NAV2: variants seen among roughly 807,000 people sequenced by gnomAD.
NAV2 encodes helicase, APC down-regulated 1.
Under a neutral mutation model 223.2 loss-of-function variants are expected in NAV2, and 54 were observed. That is an observed-to-expected ratio of 0.24 (90% CI 0.19 to 0.30). The LOEUF is 0.30. NAV2 is among the 10% of genes least tolerant of loss of function. NAV2 has a pLI of 1.00. For missense variants in NAV2, 2,806 were observed against 3,147.5 expected, an observed-to-expected ratio of 0.89 and a Z score of 2.60; for synonymous variants, 1,279 against 1,239.3, an observed-to-expected ratio of 1.03 and a Z score of -0.67.
At chr11:19,936,697 T>A (rs376660109) in intron 7 of NAV2, among the ~76,000 whole-genome samples, 1 of 152,212 alleles carries the variant, frequency 6.6e-6, no homozygotes, top group African/African-American at 2.4e-5. Context: ...GGAACAGGTA[T>A]TGATCGAGTG....
chr11:19,774,794 T>C (rs1037241560), intron 1 of NAV2, among the ~76,000 whole-genome samples: 2 of 152,160 alleles, frequency 1.3e-5, no homozygotes, highest in Non-Finnish European at 2.9e-5. Context: ...TTCTCTTTAA[T>C]TAAAGCTGAG....
intron 1 of NAV2, among the ~76,000 whole-genome samples, chr11:19,602,106 A>G (rs16937045): frequency 0.061 from 9,231 of 151,914 alleles, 650 homozygotes; most frequent in African/African-American, 0.17. Flanking sequence ...AATCGGGGAC[A>G]TCAAGTATGA....
At chr11:19,899,152 TC>T (rs2042239495) in intron 6 of NAV2, among the ~76,000 whole-genome samples, 2 of 152,178 alleles carry the variant, frequency 1.3e-5, no homozygotes, top group South Asian at 4.1e-4. Flanking sequence ...CTGGTGGGTT[TC>T]CTCCTCTAGT....
chr11:19,402,224 C>T (rs1278536052), intron 1 of NAV2, among the ~76,000 whole-genome samples: 1 of 152,158 alleles, frequency 6.6e-6, no homozygotes, highest in Non-Finnish European at 1.5e-5. Flanking sequence ...GGAGCAAGAC[C>T]ACCTGGTTCA....
At position 20,062,471 on chromosome 11, in the gene NAV2, AAGGGGATCAATTAATT is replaced by A. The variant is rs2058766106; in HGVS notation, c.4884+117_4884+132del. 23 of 776,784 alleles carry A rather than the reference AAGGGGATCAATTAATT, an allele frequency of 3.0e-5. No homozygotes were observed. The South Asian group carries it at 4.3e-4, about 15-fold the overall frequency. 48.1% of individuals were successfully genotyped at this position (776,784 alleles called of 1,614,324 possible). A position where few individuals can be genotyped will look rare whatever the true frequency, so the allele number is the denominator to read the frequency against. Reference sequence around the variant, plus strand: ...ATCCTAGGGAAAGCATTTCCATTATAAGGGGATCAATTAATTAGGGAACAAGATTTAAAATTCACAA... The same window carrying A: ...ATCCTAGGGAAAGCATTTCCATTATAAGGGAACAAGATTTAAAATTCACAA... On this transcript the variant is annotated intron_variant, in intron 20 of 37. Coordinates refer to ENST00000349880, the MANE Select transcript of NAV2 (RefSeq NM_145117.5).
At chr11:19,514,743 C>T (rs940173010) in intron 1 of NAV2, among the ~76,000 whole-genome samples, 5 of 152,182 alleles carry the variant, frequency 3.3e-5, no homozygotes, top group African/African-American at 9.7e-5. Context: ...TTCATGTTCT[C>T]TGGAAGTCTC....
At chr11:19,740,251 A>C (rs1284157240) in intron 1 of NAV2, among the ~76,000 whole-genome samples, 1 of 152,194 alleles carries the variant, frequency 6.6e-6, no homozygotes, top group East Asian at 1.9e-4. Flanking sequence ...TTCCAGGTAA[A>C]GGGGACATTG....
intron 1 of NAV2, among the ~76,000 whole-genome samples, chr11:19,607,365 G>A (rs879845047): frequency 1.8e-4 from 28 of 152,244 alleles, no homozygotes; most frequent in Non-Finnish European, 3.2e-4. Context: ...CTGGGGACCA[G>A]CTCTGTTCCA....
At chr11:19,806,697 C>A (rs1405881703) in intron 1 of NAV2, among the ~76,000 whole-genome samples, 1 of 152,132 alleles carries the variant, frequency 6.6e-6, no homozygotes, top group Non-Finnish European at 1.5e-5. Flanking sequence ...CTCATAGAGG[C>A]TTTGTATGCT....
At chr11:20,049,719 A>G in intron 15 of NAV2, 117 bp from the exon 16 acceptor site, 1 of 947,126 alleles carries the variant, frequency 1.1e-6, no homozygotes, top group Non-Finnish European at 1.7e-6. Context: ...CAGTTTCTGC[A>G]TATAGGGAAG....
intron 1 of NAV2, among the ~76,000 whole-genome samples, chr11:19,646,811 C>A (rs1263813037): frequency 6.6e-6 from 1 of 152,152 alleles, no homozygotes; most frequent in African/African-American, 2.4e-5. Flanking sequence ...GAACATGAGG[C>A]TCAGAGAAGT....
chr11:20,103,236 G>A lies in NAV2; in HGVS notation c.6418-19G>A. 8 of 1,603,252 alleles carry A rather than the reference G, an allele frequency of 5.0e-6. No individual in the cohort carries two copies. The highest frequency in any genetic ancestry group is 6.0e-6 in the Non-Finnish European group (7 of 1,173,848). ...GCATTCACCCACTTGTTCTCCTTCG[G>A]CCTTCCTGGCCACCATAGGAATTGC... On this transcript the variant is annotated intron_variant, in intron 32 of 37. Coordinates refer to ENST00000349880, the MANE Select transcript of NAV2 (RefSeq NM_145117.5).
chr11:19,861,544 TA>T (rs2061791842), intron 3 of NAV2, among the ~76,000 whole-genome samples: 1 of 152,138 alleles, frequency 6.6e-6, no homozygotes, highest in South Asian at 2.1e-4. Flanking sequence ...ACCACCACCC[TA>T]GGGGGTAGGT....
intron 1 of NAV2, among the ~76,000 whole-genome samples, chr11:19,358,699 GT>G (rs1853760540): frequency 6.6e-6 from 1 of 152,062 alleles, no homozygotes; most frequent in African/African-American, 2.4e-5. Flanking sequence ...CAGAATCCAG[GT>G]TTTTGTCTGC....
intron 3 of NAV2, among the ~76,000 whole-genome samples, chr11:19,846,370 C>T (rs1028234587): frequency 6.6e-6 from 1 of 152,146 alleles, no homozygotes; most frequent in African/African-American, 2.4e-5. Flanking sequence ...GAAGAGCCCA[C>T]AGTACAACAG....
In NAV2 at chr11:19,661,009, T is replaced by C. The variant is rs560018435; in HGVS notation, c.76-171475T>C. ...TTCAGTGGCATGAAGTACATTCACA[T>C]TGTCGTGCAACCATCTCTACCATCT... On this transcript the variant is annotated intron_variant, in intron 1 of 37. Transcript: ENST00000360655. 3.9e-5 allele frequency among the ~76,000 whole-genome samples: 6 copies of C among 152,282 alleles called. No individual in the cohort carries two copies. The East Asian group carries it at 9.7e-4, about 25-fold the overall frequency.
intron 1 of NAV2, among the ~76,000 whole-genome samples, chr11:19,470,593 C>A (rs1673405954): frequency 6.6e-6 from 1 of 152,200 alleles, no homozygotes; most frequent in Non-Finnish European, 1.5e-5. Context: ...TGACAATAAT[C>A]TATCGTGACC....
At chr11:19,717,995 C>T (rs749211493) in intron 1 of NAV2, among the ~76,000 whole-genome samples, 30 of 152,276 alleles carry the variant, frequency 2.0e-4, no homozygotes, top group Non-Finnish European at 3.7e-4. Context: ...CCCACCCTTC[C>T]TCCAGGCCCC....
At chr11:19,679,435 A>AAAAAAAAAAAAAAAAAG (rs1477556312) in intron 1 of NAV2, among the ~76,000 whole-genome samples, 1 of 151,732 alleles carries the variant, frequency 6.6e-6, no homozygotes, top group African/African-American at 2.4e-5. Flanking sequence ...TGTCTCAAAA[A>AAAAAAAAAAAAAAAAAG]AACACAAAAA....
Sources: gnomAD v4.1 joint callset for allele counts (sites outside exome capture counted in the v4.1 genomes callset) on GRCh38, gnomAD v4.1.1 for gene constraint, MANE v1.5 for transcripts, NCBI Gene and HGNC (gene_info 2026-07-23, HGNC 2026-07-21) for gene names.